Variants in ANO3 observed in about 807,000 individuals in gnomAD.
The protein encoded by ANO3 is anoctamin-3.
In ANO3, 99 loss-of-function variants were observed where a neutral mutation model predicts 144.8. The observed-to-expected ratio is 0.68, with a 90% CI of 0.58 to 0.81. The LOEUF (loss-of-function observed/expected upper bound fraction) is 0.81. Ranked by LOEUF, ANO3 falls within the 30% of genes least tolerant of loss-of-function variation. The pLI, the probability that ANO3 is intolerant of heterozygous loss-of-function variation, is 0.00. For missense variants in ANO3, 905 were observed against 1,202.2 expected (o/e 0.75, Z 3.66); for synonymous variants, 414 against 392.6 (o/e 1.05, Z -0.64).
chr11:26,480,010 T>C (rs1860146434), intron 4 of ANO3, among the ~76,000 whole-genome samples: 1 of 152,016 alleles, frequency 6.6e-6, no homozygotes, highest in African/African-American at 2.4e-5. Flanking sequence ...TGAGCAAAGA[T>C]ATAGAGTTTG....
intron 13 of ANO3, among the ~76,000 whole-genome samples, chr11:26,557,365 G>T (rs1268159343): frequency 6.6e-6 from 1 of 151,428 alleles, no homozygotes; most frequent in Non-Finnish European, 1.5e-5. Flanking sequence ...GGAGGCTGAG[G>T]CAGGAGAATG....
chr11:26,454,325 A>G (rs1171333869), intron 3 of ANO3, among the ~76,000 whole-genome samples: 2 of 152,068 alleles, frequency 1.3e-5, no homozygotes, highest in African/African-American at 2.4e-5. Flanking sequence ...TTGATAGACC[A>G]CTAGCAAGAC....
intron 1 of ANO3, among the ~76,000 whole-genome samples, chr11:26,273,688 G>T (rs926450097): frequency 2.6e-5 from 4 of 151,012 alleles, no homozygotes; most frequent in Non-Finnish European, 4.4e-5. Context: ...TCTGTCGGGG[G>T]AAGGTAAAGG....
chr11:26,368,393 C>T (rs1416105750), intron 1 of ANO3, among the ~76,000 whole-genome samples: 3 of 152,160 alleles, frequency 2.0e-5, no homozygotes, highest in African/African-American at 7.2e-5. Context: ...TCAAAGTTTA[C>T]ATCAACAACC....
At chr11:26,212,349 G>A (rs748479356) in intron 1 of ANO3, among the ~76,000 whole-genome samples, 7 of 151,504 alleles carry the variant, frequency 4.6e-5, no homozygotes, top group African/African-American at 9.7e-5. Context: ...GAATCCAGGA[G>A]CTGTTTTTTT....
chr11:26,614,715 T>C (rs1344212070), intron 17 of ANO3, among the ~76,000 whole-genome samples: 1 of 152,152 alleles, frequency 6.6e-6, no homozygotes, highest in Non-Finnish European at 1.5e-5. Context: ...CTTTAACTTA[T>C]GTTTTCTCCA....
chr11:26,314,620 T>G (rs1854579738), intron 1 of ANO3, among the ~76,000 whole-genome samples: 1 of 152,278 alleles, frequency 6.6e-6, no homozygotes, highest in East Asian at 1.9e-4. Flanking sequence ...TTCTTCTGTA[T>G]ATTAGTTTCT....
At chr11:26,249,059 G>A (rs1590215384) in intron 1 of ANO3, among the ~76,000 whole-genome samples, 1 of 152,258 alleles carries the variant, frequency 6.6e-6, no homozygotes, top group East Asian at 1.9e-4. Flanking sequence ...CGCTTTAGAT[G>A]TCTTAATTTC....
At chr11:26,365,049 T>C (rs1426447360) in intron 1 of ANO3, among the ~76,000 whole-genome samples, 2 of 152,214 alleles carry the variant, frequency 1.3e-5, no homozygotes, top group Non-Finnish European at 2.9e-5. Context: ...AATGGGGGTA[T>C]TGGCATTGGT....
intron 1 of ANO3, among the ~76,000 whole-genome samples, chr11:26,200,780 T>C (rs902225165): frequency 2.0e-5 from 3 of 152,144 alleles, no homozygotes; most frequent in Non-Finnish European, 4.4e-5. Context: ...TTGGTAATAG[T>C]GTTTCATTTG....
intron 4 of ANO3, among the ~76,000 whole-genome samples, chr11:26,485,908 A>G (rs1860426195): frequency 2.0e-5 from 3 of 152,318 alleles, no homozygotes; most frequent in African/African-American, 4.8e-5. Flanking sequence ...TGAACAGACA[A>G]CCTGCACTAT....
chr11:26,642,158 C>CA (rs1853177686), intron 22 of ANO3, 129 bp downstream of exon 22: 1 of 964,310 alleles, frequency 1.0e-6, no homozygotes, highest in Non-Finnish European at 1.5e-6. Flanking sequence ...AACACGTCTG[C>CA]ACCTTCATCT....
At chr11:26,460,817 ATAAT>A (rs934912503) in intron 3 of ANO3, among the ~76,000 whole-genome samples, 38 of 152,142 alleles carry the variant, frequency 2.5e-4, no homozygotes, top group African/African-American at 8.9e-4. Context: ...GGAAAATAAA[ATAAT>A]TAATGTAAAT....
intron 1 of ANO3, among the ~76,000 whole-genome samples, chr11:26,293,062 T>C (rs535153958): frequency 1.2e-4 from 18 of 152,306 alleles, no homozygotes; most frequent in Admixed American, 7.8e-4. Flanking sequence ...CCCCATATCT[T>C]TAAATTAAAG....
At chr11:26,650,014 T>A (rs568152666) in intron 24 of ANO3, among the ~76,000 whole-genome samples, 27 of 152,282 alleles carry the variant, frequency 1.8e-4, no homozygotes, top group African/African-American at 6.3e-4. Context: ...TCTAGCACTC[T>A]GCGTTTATGT....
At chr11:26,219,530 CA>C (rs1852100268) in intron 1 of ANO3, among the ~76,000 whole-genome samples, 1 of 152,132 alleles carries the variant, frequency 6.6e-6, no homozygotes, top group Non-Finnish European at 1.5e-5. Context: ...TTCTTCAAGA[CA>C]ATATAATGTT....
intron 1 of ANO3, among the ~76,000 whole-genome samples, chr11:26,290,425 T>C (rs1032686694): frequency 6.6e-6 from 1 of 152,186 alleles, no homozygotes; most frequent in Non-Finnish European, 1.5e-5. Context: ...TCTGCTCTGA[T>C]CTTAATTATT....
chr11:26,512,191 C>T (rs1199009624), intron 5 of ANO3, among the ~76,000 whole-genome samples: 1 of 152,182 alleles, frequency 6.6e-6, no homozygotes, highest in East Asian at 1.9e-4. Flanking sequence ...TATGAGCTAT[C>T]TTATCCTATG....
chr11:26,409,647 T>G (rs939286930), intron 1 of ANO3, among the ~76,000 whole-genome samples: 2 of 152,024 alleles, frequency 1.3e-5, no homozygotes, highest in Non-Finnish European at 2.9e-5. Context: ...ATCTGTCATA[T>G]TCATCAAAAT....
Sources: gnomAD v4.1 joint callset for allele counts (sites outside exome capture counted in the v4.1 genomes callset) on GRCh38, gnomAD v4.1.1 for gene constraint, MANE v1.5 for transcripts, NCBI Gene and HGNC (gene_info 2026-07-23, HGNC 2026-07-21) for gene names.